Variants in SLC25A26 observed in about 807,000 individuals in gnomAD.
SLC25A26 encodes mitochondrial S-adenosylmethionine carrier protein.
A neutral mutation model predicts 37.8 loss-of-function variants in SLC25A26; 36 were observed. That is an observed-to-expected ratio of 0.95 (90% CI 0.73 to 1.26). The LOEUF (loss-of-function observed/expected upper bound fraction) is 1.26. SLC25A26 is among the 50% of genes most tolerant of loss of function. SLC25A26 has a pLI of 0.00. For synonymous variants in SLC25A26, 129 were observed against 122.5 expected (o/e 1.05, Z -0.35); for missense variants, 390 against 331.1 (o/e 1.18, Z -1.38).
At chr3:66,217,922 C>G (rs1268451702), upstream of SLC25A26, among the ~76,000 whole-genome samples, 3 of 152,216 alleles carry the variant, frequency 2.0e-5, no homozygotes, top group African/African-American at 4.8e-5. Flanking sequence ...TGTACACACC[C>G]ATGCGACTAC....
intron 5 of SLC25A26, among the ~76,000 whole-genome samples, chr3:66,271,881 T>C (rs1434153581): frequency 6.6e-6 from 1 of 152,172 alleles, no homozygotes; most frequent in Non-Finnish European, 1.5e-5. Flanking sequence ...CGTTTTCTTT[T>C]TCTGCCACCT....
At chr3:66,209,896 A>C (rs1453375181) in intron 1 of SLC25A26, among the ~76,000 whole-genome samples, 97 of 37,664 alleles carry the variant, frequency 2.6e-3, no homozygotes, top group African/African-American at 6.2e-3. Context: ...CTCTCTCTCT[A>C]TTTATATATA....
intron 1 of SLC25A26, among the ~76,000 whole-genome samples, chr3:66,197,983 A>G (rs2071066766): frequency 6.6e-6 from 1 of 152,120 alleles, no homozygotes; most frequent in South Asian, 2.1e-4. Flanking sequence ...GATAAGCATA[A>G]GGATAAGGTT....
intron 1 of SLC25A26, among the ~76,000 whole-genome samples, chr3:66,214,985 C>T (rs1473546123): frequency 6.6e-6 from 1 of 151,978 alleles, no homozygotes; most frequent in Non-Finnish European, 1.5e-5. Flanking sequence ...AAAATTCGGG[C>T]ATGGTGGCAG....
chr3:66,276,233 A>G (rs1291792425), intron 5 of SLC25A26, among the ~76,000 whole-genome samples: 1 of 152,142 alleles, frequency 6.6e-6, no homozygotes, highest in Non-Finnish European at 1.5e-5. Context: ...GTTTGTACAG[A>G]TCATAAGCAG....
chr3:66,348,539 A>G (rs960215347), intron 6 of SLC25A26, among the ~76,000 whole-genome samples: 2 of 152,236 alleles, frequency 1.3e-5, no homozygotes, highest in Non-Finnish European at 2.9e-5. Flanking sequence ...AGTTACTCTC[A>G]TAATTTTATA....
At position 66,369,487 on chromosome 3, in the gene SLC25A26, C is replaced by G. The variant is rs577577580; in HGVS notation, c.578C>G (p.Ala193Gly). 1.2e-6 allele frequency: 2 copies of G among 1,603,108 alleles called. No individual in the cohort carries two copies. The highest frequency in any genetic ancestry group is 4.5e-5 in the East Asian group (2 of 44,554). Reference protein sequence around the residue: ...AVCGAFAGGFAAAVTTPLDVA... With the variant: ...AVCGAFAGGFGAAVTTPLDVA... ...GGTATTATTTGTACAGGTGGATTTG[C>G]CGCTGCAGTCACCACCCCTCTAGAC... is the stretch of plus-strand genomic sequence containing the variant. The change falls in exon 8 of 10, where the codon GCC becomes GGC. Residue 193 changes from alanine to glycine, a missense_variant. By Grantham distance (60) the Ala-to-Gly change is moderately conservative. Transcript: ENST00000354883.
intron 5 of SLC25A26, among the ~76,000 whole-genome samples, chr3:66,269,086 A>G (rs1250244248): frequency 6.6e-6 from 1 of 152,210 alleles, no homozygotes; most frequent in Non-Finnish European, 1.5e-5. Flanking sequence ...GCTCCTGACA[A>G]GTTTACTTAA....
chr3:66,279,368 G>T (rs1377937684), intron 5 of SLC25A26, among the ~76,000 whole-genome samples: 1 of 152,070 alleles, frequency 6.6e-6, no homozygotes, highest in African/African-American at 2.4e-5. Flanking sequence ...AGGGCTTTGT[G>T]GTCAGGCAGC....
At chr3:66,150,220 G>T (rs933169982) in intron 1 of SLC25A26, among the ~76,000 whole-genome samples, 2 of 151,720 alleles carry the variant, frequency 1.3e-5, no homozygotes, top group African/African-American at 4.8e-5. Context: ...AACATAGGCC[G>T]GGCATGGTGG....
At chr3:66,202,258 G>A (rs1055508105) in intron 1 of SLC25A26, among the ~76,000 whole-genome samples, 33 of 152,134 alleles carry the variant, frequency 2.2e-4, no homozygotes, top group Non-Finnish European at 3.7e-4. Context: ...AACTAACACA[G>A]GAACAGAAAA....
At chr3:66,371,176 A>G (rs1237374254) in intron 9 of SLC25A26, 1 of 1,467,290 alleles carries the variant, frequency 6.8e-7, no homozygotes, top group Admixed American at 2.5e-5. Flanking sequence ...TCTTACAGGC[A>G]TGTGAAATGA....
intron 2 of SLC25A26, among the ~76,000 whole-genome samples, chr3:66,240,537 A>G (rs950817831): frequency 6.6e-6 from 1 of 152,018 alleles, no homozygotes; most frequent in African/African-American, 2.4e-5. Flanking sequence ...TCAGCCTCCC[A>G]AAGTGCTGGG....
chr3:66,279,016 T>TA (rs1049509716), intron 5 of SLC25A26, among the ~76,000 whole-genome samples: 2 of 152,158 alleles, frequency 1.3e-5, no homozygotes, highest in African/African-American at 2.4e-5. Flanking sequence ...GTGTGGGACT[T>TA]ACACCCTGAG....
chr3:66,377,386 G>C (rs1032916411), intron 9 of SLC25A26, among the ~76,000 whole-genome samples: 3 of 152,114 alleles, frequency 2.0e-5, no homozygotes, highest in East Asian at 1.9e-4. Flanking sequence ...TCTTCACTGA[G>C]CAACCCCTGG....
chr3:66,342,017 G>T (rs1278893591), intron 5 of SLC25A26, among the ~76,000 whole-genome samples: 1 of 151,832 alleles, frequency 6.6e-6, no homozygotes, highest in Non-Finnish European at 1.5e-5. Flanking sequence ...AATTGGAAAA[G>T]GTTCAGAGTA....
intron 1 of SLC25A26, among the ~76,000 whole-genome samples, chr3:66,153,236 C>T (rs1214781094): frequency 6.6e-6 from 1 of 152,146 alleles, no homozygotes; most frequent in South Asian, 2.1e-4. Flanking sequence ...AGAAAAATCT[C>T]TTTTCCCCTA....
At chr3:66,368,305 G>A (rs2076870235) in intron 7 of SLC25A26, among the ~76,000 whole-genome samples, 1 of 152,146 alleles carries the variant, frequency 6.6e-6, no homozygotes, top group African/African-American at 2.4e-5. Flanking sequence ...TTCTGTCTCT[G>A]TAGGGCCTCT....
rs371924771 is a variant in SLC25A26, at chr3:66,263,399, A to T, written c.453+20A>T. On this transcript the variant is annotated intron_variant, in intron 5 of 9. Coordinates refer to ENST00000354883, the MANE Select transcript of SLC25A26 (RefSeq NM_001379210.1). Reference sequence around the variant, plus strand: ...AGAGAGGTAAGTCACTTACTTTCCAATATTGAAGTACGAAAGAATGATGTC... The same window carrying T: ...AGAGAGGTAAGTCACTTACTTTCCATTATTGAAGTACGAAAGAATGATGTC... The T allele has an allele frequency of 1.3e-6, 2 of 1,535,078 alleles. No individual in the cohort carries two copies. Among genetic ancestry groups the T allele is most frequent in the Non-Finnish European group, 1.8e-6 (2 of 1,110,924 alleles).
Sources: allele counts gnomAD v4.1 joint callset (sites outside exome capture counted in the v4.1 genomes callset), GRCh38; gene constraint gnomAD v4.1.1; transcripts MANE v1.5; gene names NCBI Gene and HGNC (gene_info 2026-07-23, HGNC 2026-07-21).